CFAP157: variants seen among roughly 807,000 people sequenced by gnomAD.
The protein encoded by CFAP157 is cilia and flagella associated protein 157.
In CFAP157, 43 loss-of-function variants were observed where a neutral mutation model predicts 57.8. The ratio of observed to expected loss-of-function variants is 0.74; its 90% CI spans 0.58 to 0.96. The LOEUF (loss-of-function observed/expected upper bound fraction) is 0.96, where lower values mean the gene tolerates loss of function less well. Ranked by LOEUF, CFAP157 falls within the 40% of genes least tolerant of loss-of-function variation. The probability of loss-of-function intolerance (pLI) is 0.00; values close to 1 mark genes in which losing one functional copy is unlikely to be tolerated. For synonymous variants in CFAP157, 267 were observed against 269.0 expected (o/e 0.99, Z 0.07); for missense variants, 606 against 655.3 (o/e 0.92, Z 0.82).
At position 127,714,788 on chromosome 9, in the gene CFAP157, T is replaced by G; in HGVS notation, c.*883T>G. On this transcript the variant is annotated 3_prime_UTR_variant, in exon 9 of 9. Coordinates refer to ENST00000373295, the MANE Select transcript of CFAP157 (RefSeq NM_001012502.3). The stretch of plus-strand genomic sequence containing the variant: ...GACTCCCATGATGAGGGACCACAAC[T>G]AATCCCACTTCACATATAAAGAAAC... 8.3e-7 allele frequency: 1 copy of G among 1,206,558 alleles called. No homozygotes were observed. The highest frequency in any genetic ancestry group is 2.0e-5 in the Admixed American group (1 of 50,400). The allele number at this position is 1,206,558 out of a possible 1,614,324, so 74.7% of individuals were successfully genotyped here. A position where few individuals can be genotyped will look rare whatever the true frequency, so the allele number is the denominator to read the frequency against.
rs1310207392 is a variant in CFAP157, at chr9:127,709,584, G to A, written c.324G>A (p.Leu108=). 3 of 1,613,968 alleles carry A rather than the reference G, an allele frequency of 1.9e-6. No homozygotes were observed. The highest frequency in any genetic ancestry group is 2.5e-6 in the Non-Finnish European group (3 of 1,180,046). Residue 108 remains leucine (L), a synonymous_variant, in exon 2 of 9, where the codon TTG becomes TTA. Transcript: ENST00000373295. The surrounding 1 kb of genome is among the most constrained non-coding windows in gnomAD (Gnocchi z 4.7). The stretch of plus-strand genomic sequence containing the variant: ...ACCTCAACGAGCAGCTCCAGAACTT[G>A]CAGCTAGCCAAAGAGATGGAGAAGG... ...ITDLNEQLQN[L]QLAKEMEKDA... is the part of the protein sequence containing the mutation.
chr9:127,714,611 GC>G lies in CFAP157; in HGVS notation c.*712del. On this transcript the variant is annotated 3_prime_UTR_variant, in exon 9 of 9. Coordinates refer to ENST00000373295, the MANE Select transcript of CFAP157 (RefSeq NM_001012502.3). ...CCATCTCAGGACCTCACCTGGCACT[GC>G]CCCCCAGCTTCAGAGCCAGTCTCCC... 1 of 1,613,564 alleles carries G rather than the reference GC, an allele frequency of 6.2e-7. No homozygotes were observed. The highest frequency in any genetic ancestry group is 1.7e-5 in the Admixed American group (1 of 59,984).
Position 127,714,901 on chromosome 9 carries a change from G to T in CFAP157, c.*996G>T. On this transcript the variant is annotated 3_prime_UTR_variant, in exon 9 of 9. Transcript: ENST00000373295. ...AACCCGCGGATCTGTCACAGCCAGT[G>T]CTCCCCTCTGGCCCCCGCGCCCCAA... 1 of 1,043,720 alleles carries T rather than the reference G, an allele frequency of 9.6e-7. No homozygotes were observed. Among genetic ancestry groups the T allele is most frequent in the Non-Finnish European group, 1.4e-6 (1 of 729,630 alleles). The allele number at this position is 1,043,720 out of a possible 1,614,324, so 64.7% of individuals were successfully genotyped here.
chr9:127,715,842 C>G lies in CFAP157; in HGVS notation c.*1937C>G. 2 of 1,040,076 alleles carry G rather than the reference C, an allele frequency of 1.9e-6. No homozygotes were observed. The highest frequency in any genetic ancestry group is 5.2e-5 in the East Asian group (2 of 38,656). 64.4% of individuals were successfully genotyped at this position (1,040,076 alleles called of 1,614,324 possible). ...TTCAGTAGCGCGGCGTCACAGTGTC[C>G]CTTCGGGACTTGTGTGGGACGCTCG... On this transcript the variant is annotated 3_prime_UTR_variant, in exon 9 of 9. Coordinates refer to ENST00000373295, the MANE Select transcript of CFAP157 (RefSeq NM_001012502.3). This position sits in a 1 kb window ranked among gnomAD's most constrained non-coding sequence, Gnocchi z 5.8.
At position 127,711,887 on chromosome 9, in the gene CFAP157, G is replaced by A. The variant is rs754078173; in HGVS notation, c.923G>A (p.Arg308His). 13 of 1,595,696 alleles carry A rather than the reference G, an allele frequency of 8.1e-6. No homozygotes were observed. The highest frequency in any genetic ancestry group is 3.4e-5 in the South Asian group (3 of 87,698). ...QQDTKEAEEL[R>H]LLLSQLEQRS... ...GACACCAAGGAGGCCGAGGAGCTGCGCCTCCTGCTGAGCCAGTTGGAGCAG... is the reference window on the plus strand; with the variant it reads ...GACACCAAGGAGGCCGAGGAGCTGCACCTCCTGCTGAGCCAGTTGGAGCAG... Residue 308 changes from arginine to histidine, a missense_variant, in exon 5 of 9, where the codon CGC (arginine) becomes CAC (histidine). By Grantham distance (29) the Arg-to-His change is conservative. Transcript: ENST00000373295.
rs899531623 is a variant in CFAP157, at chr9:127,715,827, C to T, written c.*1922C>T. The T allele has an allele frequency of 6.0e-6, 7 of 1,168,114 alleles. No individual in the cohort carries two copies. Among genetic ancestry groups the T allele is most frequent in the African/African-American group, 3.1e-5 (2 of 64,130 alleles). The allele number at this position is 1,168,114 out of a possible 1,614,324, so 72.4% of individuals were successfully genotyped here. A position where few individuals can be genotyped will look rare whatever the true frequency, so the allele number is the denominator to read the frequency against. On this transcript the variant is annotated 3_prime_UTR_variant, in exon 9 of 9. Transcript: ENST00000373295. This position sits in a 1 kb window ranked among gnomAD's most constrained non-coding sequence, Gnocchi z 5.8. ...GGGAACCCAGGCGCCTTCAGTAGCG[C>T]GGCGTCACAGTGTCCCTTCGGGACT...
rs761048974 is a variant in CFAP157, at chr9:127,713,592, C to T, written c.1492-242C>T. 4.0e-5 allele frequency: 17 copies of T among 427,872 alleles called. 1 individual carries two copies. Among genetic ancestry groups the T allele is most frequent in the South Asian group, 3.0e-4 (12 of 39,996 alleles). 26.5% of individuals were successfully genotyped at this position (427,872 alleles called of 1,614,324 possible). ...CACAATCTCAGCTCACAGCAACCTC[C>T]GCCTCCCAGGTTCAAGTGATTCTCC... On this transcript the variant is annotated intron_variant, in intron 8 of 8. Coordinates refer to ENST00000373295, the MANE Select transcript of CFAP157 (RefSeq NM_001012502.3).
At chr9:127,711,974 G>C in intron 5 of CFAP157, 24 bp downstream of exon 5, 3 of 1,593,208 alleles carry the variant, frequency 1.9e-6, no homozygotes, top group South Asian at 1.1e-5. Flanking sequence ...ACGGAGGGGC[G>C]GGCGGCGGGT....
At chr9:127,712,095 G>C in intron 5 of CFAP157, 104 bp from the exon 6 acceptor site, 1 of 1,524,130 alleles carries the variant, frequency 6.6e-7, no homozygotes, top group African/African-American at 1.4e-5. Flanking sequence ...GGGCGGGATG[G>C]GGGCCCCTGT....
At position 127,714,789 on chromosome 9, in the gene CFAP157, A is replaced by T; in HGVS notation, c.*884A>T. ...ACTCCCATGATGAGGGACCACAACT[A>T]ATCCCACTTCACATATAAAGAAACT... On this transcript the variant is annotated 3_prime_UTR_variant, in exon 9 of 9. Coordinates refer to ENST00000373295, the MANE Select transcript of CFAP157 (RefSeq NM_001012502.3). The T allele has an allele frequency of 1.7e-6, 2 of 1,201,986 alleles. No homozygotes were observed. Among genetic ancestry groups the T allele is most frequent in the Admixed American group, 4.0e-5 (2 of 50,436 alleles). 74.5% of individuals were successfully genotyped at this position (1,201,986 alleles called of 1,614,324 possible).
Position 127,715,447 on chromosome 9 carries a change from CAG to C in CFAP157, c.*1545_*1546del. On this transcript the variant is annotated 3_prime_UTR_variant, in exon 9 of 9. Coordinates refer to ENST00000373295, the MANE Select transcript of CFAP157 (RefSeq NM_001012502.3). The surrounding 1 kb of genome is among the most constrained non-coding windows in gnomAD (Gnocchi z 5.8). ...GCACTGAACTCACCAGTTAAGAAAA[CAG>C]AGCAGCAATTTGGGGGCACTCGGCT... 6.5e-7 allele frequency: 1 copy of C among 1,543,046 alleles called. No individual in the cohort carries two copies. The highest frequency in any genetic ancestry group is 8.9e-7 in the Non-Finnish European group (1 of 1,128,406).
rs1159400807 is a variant in CFAP157 at position 127,710,693 on chromosome 9, G to A, written c.526G>A (p.Glu176Lys). Reference protein sequence around the residue: ...TLLEEQVRKQENEFRDYAYNL... With the variant: ...TLLEEQVRKQKNEFRDYAYNL... The stretch of plus-strand genomic sequence containing the variant: ...GCTGGAGGAGCAGGTGCGGAAGCAG[G>A]AGAATGAGTTCAGGGACTATGCATA... The change falls in exon 3 of 9, where the codon GAG (glutamate) becomes AAG (lysine). Residue 176 changes from glutamate (E) to lysine (K), a missense_variant. Coordinates refer to ENST00000373295, the MANE Select transcript of CFAP157 (RefSeq NM_001012502.3). The A allele has an allele frequency of 1.9e-6, 3 of 1,576,814 alleles. No individual in the cohort carries two copies. The highest frequency in any genetic ancestry group is 2.6e-6 in the Non-Finnish European group (3 of 1,160,514).
Position 127,712,778 on chromosome 9 carries a change from C to G in CFAP157, c.1207C>G (p.Gln403Glu). ...GCCATGGCACAAGGAGATGCTGCAG[C>G]AACTGCTGGTCATGCTCAGCTCCAC... ...FQPWHKEMLQ[Q>E]LLVMLSSTVA... is the part of the protein sequence containing the mutation. The change falls in exon 7 of 9, where the codon CAA (glutamine) becomes GAA (glutamate). Residue 403 changes from glutamine (Q) to glutamate (E), a missense_variant. By Grantham distance (29) the Gln-to-Glu change is conservative (BLOSUM62 2). Transcript: ENST00000373295. 1.2e-6 allele frequency: 2 copies of G among 1,614,204 alleles called. No homozygotes were observed. The highest frequency in any genetic ancestry group is 1.7e-6 in the Non-Finnish European group (2 of 1,180,040).
chr9:127,710,979 A>G (rs948411463), intron 3 of CFAP157, among the ~76,000 whole-genome samples: 3 of 152,190 alleles, frequency 2.0e-5, no homozygotes, highest in Admixed American at 1.3e-4. Context: ...GGAGACTCCC[A>G]GGGCTTCCTT....
At chr9:127,708,282 G>T (rs368568225) in intron 1 of CFAP157, among the ~76,000 whole-genome samples, 4 of 152,276 alleles carry the variant, frequency 2.6e-5, no homozygotes, top group East Asian at 3.9e-4. Context: ...TTCGAGACCA[G>T]CCTGACCAAC....
chr9:127,714,445 G>A lies in CFAP157; in HGVS notation c.*540G>A, dbSNP rs760191334. 26 of 1,613,514 alleles carry A rather than the reference G, an allele frequency of 1.6e-5. No individual in the cohort carries two copies. Among genetic ancestry groups the A allele is most frequent in the Non-Finnish European group, 1.8e-5 (21 of 1,179,536 alleles). ...GGCCCCTTCAAGGGATATGGGAGGG[G>A]CAGTTAGTGCCTCCCTGGGGCAGTG... On this transcript the variant is annotated 3_prime_UTR_variant, in exon 9 of 9. Coordinates refer to ENST00000373295, the MANE Select transcript of CFAP157 (RefSeq NM_001012502.3).
At position 127,715,407 on chromosome 9, in the gene CFAP157, T is replaced by C; in HGVS notation, c.*1502T>C. 1 of 1,364,872 alleles carries C rather than the reference T, an allele frequency of 7.3e-7. No individual in the cohort carries two copies. Among genetic ancestry groups the C allele is most frequent in the South Asian group, 1.2e-5 (1 of 80,940 alleles). 84.5% of individuals were successfully genotyped at this position (1,364,872 alleles called of 1,614,324 possible). A position where few individuals can be genotyped will look rare whatever the true frequency, so the allele number is the denominator to read the frequency against. On this transcript the variant is annotated 3_prime_UTR_variant, in exon 9 of 9. Transcript: ENST00000373295. The surrounding 1 kb of genome is among the most constrained non-coding windows in gnomAD (Gnocchi z 5.8). ...AGTGCAGGAACGGAGCTTCAAGAAG[T>C]TTGGAGCCCGTCGAGCACTGAACTC...
Position 127,715,480 on chromosome 9 carries a change from G to A in CFAP157, c.*1575G>A. ...CAATTTGGGGGCACTCGGCTCCCGG[G>A]ACATAATGGCCGAACTGAAGCTAGG... On this transcript the variant is annotated 3_prime_UTR_variant, in exon 9 of 9. Transcript: ENST00000373295. This position sits in a 1 kb window ranked among gnomAD's most constrained non-coding sequence, Gnocchi z 5.8. 1.9e-6 allele frequency: 3 copies of A among 1,607,354 alleles called. No individual in the cohort carries two copies. The highest frequency in any genetic ancestry group is 2.6e-6 in the Non-Finnish European group (3 of 1,176,126).
Position 127,714,528 on chromosome 9 carries a change from G to C in CFAP157, c.*623G>C. On this transcript the variant is annotated 3_prime_UTR_variant, in exon 9 of 9. Transcript: ENST00000373295. ...GAGCAGCCCATTTCCTGTGGAGACT[G>C]GGTCAGCAGCCCTACTCCACCCCAA... is the stretch of plus-strand genomic sequence containing the variant. The C allele has an allele frequency of 6.3e-7, 1 of 1,591,878 alleles. No individual in the cohort carries two copies. Among genetic ancestry groups the C allele is most frequent in the South Asian group, 1.1e-5 (1 of 90,560 alleles).
Sources: gnomAD v4.1 joint callset for allele counts (sites outside exome capture counted in the v4.1 genomes callset) on GRCh38, gnomAD v4.1.1 for gene constraint, Gnocchi (gnomAD v3.1) non-coding constraint, MANE v1.5 for transcripts, NCBI Gene and HGNC (gene_info 2026-07-23, HGNC 2026-07-21) for gene names.